ATM: variants seen among roughly 807,000 people sequenced by gnomAD.
ATM encodes the protein serine-protein kinase ATM.
A neutral mutation model predicts 387.0 loss-of-function variants in ATM; 308 were observed. That is an observed-to-expected ratio of 0.80 (90% CI 0.73 to 0.87). The LOEUF (loss-of-function observed/expected upper bound fraction) is 0.87, where lower values mean the gene tolerates loss of function less well. Ranked by LOEUF, ATM falls within the 40% of genes least tolerant of loss-of-function variation. The pLI, the probability that ATM is intolerant of heterozygous loss-of-function variation, is 0.00. For synonymous variants in ATM, 1,156 were observed against 1,187.3 expected (o/e 0.97, Z 0.54); for missense variants, 3,312 against 3,560.9 (o/e 0.93, Z 1.78).
Position 108,301,634 on chromosome 11 carries a change from A to G in ATM, c.5178-14A>G. On this transcript the variant is annotated splice_polypyrimidine_tract_variant and intron_variant, in intron 34 of 62. Transcript: ENST00000675843. ...ACTGGTGTACTTGATAGGCATTTGA[A>G]TTGTTTTTTTCAGTGTCAAAGTTCG... 6.2e-7 allele frequency: 1 copy of G among 1,613,402 alleles called. No homozygotes were observed. The highest frequency in any genetic ancestry group is 1.7e-4 in the Middle Eastern group (1 of 6,052).
chr11:108,245,330 GAC>G (rs905011353), intron 7 of ATM, among the ~76,000 whole-genome samples: 3 of 152,174 alleles, frequency 2.0e-5, no homozygotes, highest in African/African-American at 7.2e-5. Flanking sequence ...TAAGGGGTCT[GAC>G]ACAGACTGTA....
rs755261743 is a variant in ATM, at chr11:108,267,236, A to G, written c.2532A>G (p.Gly844=). 20 of 1,614,010 alleles carry G rather than the reference A, an allele frequency of 1.2e-5. No homozygotes were observed. Among genetic ancestry groups the G allele is most frequent in the Middle Eastern group, 1.6e-4 (1 of 6,084 alleles). Residue 844 remains glycine, a synonymous_variant, in exon 17 of 63, where the codon GGA becomes GGG. Transcript: ENST00000675843. ...AATCAATGGAAGATGATACTAATGG[A>G]AATCTAATGGAGGTGGAGGATCAGT... The part of the protein sequence containing the change: ...EVESMEDDTN[G]NLMEVEDQSS...
intron 22 of ATM, among the ~76,000 whole-genome samples, chr11:108,277,985 CAAT>C (rs1284255868): frequency 6.6e-6 from 1 of 151,864 alleles, no homozygotes; most frequent in Admixed American, 6.6e-5. Context: ...GCACCTAAAA[CAAT>C]ACTTGGCATG....
intron 45 of ATM, 61 bp from the exon 46 acceptor site, chr11:108,325,249 G>GTTTTTTTTTTTTT (rs11366542): frequency 3.5e-6 from 2 of 566,212 alleles, no homozygotes; most frequent in Non-Finnish European, 3.0e-6. Context: ...AACTTACATA[G>GTTTTTTTTTTTTT]TTTTTTTTTT....
chr11:108,317,528 A>T lies in ATM; in HGVS notation c.6347+7A>T. 6.3e-7 allele frequency: 1 copy of T among 1,598,702 alleles called. No individual in the cohort carries two copies. ...ACCATTGCACTTCCGTCAGGTAAGA[A>T]ATTTGACTTGATTTTTTTTTTTTTG... On this transcript the variant is annotated splice_region_variant and intron_variant, in intron 43 of 62. Coordinates refer to ENST00000675843, the MANE Select transcript of ATM (RefSeq NM_000051.4).
At chr11:108,330,064 A>G in intron 49 of ATM, 150 bp from the exon 50 acceptor site, 1 of 785,040 alleles carries the variant, frequency 1.3e-6, no homozygotes, top group South Asian at 1.6e-5. Context: ...GACAAAAGTA[A>G]GTTTATTCCC....
chr11:108,353,981 T>C, intron 60 of ATM, 101 bp downstream of exon 60: 1 of 1,167,656 alleles, frequency 8.6e-7, no homozygotes, highest in Non-Finnish European at 1.3e-6. Context: ...CTCAAGAGGC[T>C]GAAGTGGGAG....
chr11:108,295,095 G>A (rs1416411453), intron 32 of ATM, 36 bp downstream of exon 32: 1 of 1,612,102 alleles, frequency 6.2e-7, no homozygotes, highest in East Asian at 2.2e-5. Context: ...ATTTCTACCT[G>A]TTTCTTTTTG....
In ATM at chr11:108,354,070, A is replaced by ACACACAC. The variant is rs2089570249; in HGVS notation, c.8786+190_8786+191insCACACAC. Among the ~76,000 whole-genome samples the ACACACAC allele has an allele frequency of 4.6e-3, 533 of 114,940 alleles. 5 individuals carry two copies. The highest frequency in any genetic ancestry group is 0.024 in the Middle Eastern group (4 of 168). The allele number at this position is 114,940 out of a possible 152,430, so 75.4% of individuals were successfully genotyped here. A position where few individuals can be genotyped will look rare whatever the true frequency, so the allele number is the denominator to read the frequency against. On this transcript the variant is annotated intron_variant, in intron 60 of 62. Transcript: ENST00000675843. Reference sequence around the variant, plus strand: ...GTATCTAAAAAAATACACACACACAAACACACACACACACACACACACACA... The same window carrying ACACACAC: ...GTATCTAAAAAAATACACACACACAACACACACACACACACACACACACACACACACA...
intron 50 of ATM, chr11:108,331,214 C>T: frequency 8.2e-7 from 1 of 1,219,866 alleles, no homozygotes; most frequent in Non-Finnish European, 1.0e-6. Flanking sequence ...GTTCTGAATC[C>T]AGTTTAATTT....
intron 39 of ATM, among the ~76,000 whole-genome samples, chr11:108,311,104 C>G (rs2084117877): frequency 6.6e-6 from 1 of 151,986 alleles, no homozygotes; most frequent in Admixed American, 6.6e-5. Flanking sequence ...GTAGCTGGGA[C>G]TATAGGCACA....
At chr11:108,263,058 C>G (rs1325050228) in intron 16 of ATM, among the ~76,000 whole-genome samples, 5 of 152,000 alleles carry the variant, frequency 3.3e-5, no homozygotes, top group African/African-American at 1.2e-4. Context: ...ACCCCACTGT[C>G]AACATTAGAC....
chr11:108,322,070 G>T (rs1047536083), intron 45 of ATM, among the ~76,000 whole-genome samples: 2 of 152,066 alleles, frequency 1.3e-5, no homozygotes, highest in African/African-American at 4.8e-5. Flanking sequence ...TCTCTGCCTT[G>T]CTAAACTAGA....
At chr11:108,267,817 C>G (rs1265919515) in intron 17 of ATM, among the ~76,000 whole-genome samples, 2 of 152,216 alleles carry the variant, frequency 1.3e-5, no homozygotes, top group Admixed American at 1.3e-4. Flanking sequence ...GAGATCATGC[C>G]ACTGCATTCC....
intron 43 of ATM, among the ~76,000 whole-genome samples, chr11:108,318,493 C>G (rs1438381008): frequency 1.3e-5 from 2 of 152,036 alleles, no homozygotes; most frequent in African/African-American, 2.4e-5. Flanking sequence ...AGTTTGAGAC[C>G]AGCCGGGCCA....
At chr11:108,337,946 CTGACCTAGAATATCT>C (rs1235288113) in intron 56 of ATM, among the ~76,000 whole-genome samples, 1 of 152,258 alleles carries the variant, frequency 6.6e-6, no homozygotes, top group Non-Finnish European at 1.5e-5. Flanking sequence ...AAGCAAATGC[CTGACCTAGAATATCT>C]TGAAAGCAGA....
chr11:108,272,482 T>C, intron 20 of ATM, 50 bp from the exon 21 acceptor site: 2 of 1,438,344 alleles, frequency 1.4e-6, no homozygotes, highest in Non-Finnish European at 2.0e-6. Flanking sequence ...GTTTTCTGAG[T>C]GCTTTTATCA....
At chr11:108,251,589 TA>T (rs2080150751) in intron 10 of ATM, among the ~76,000 whole-genome samples, 1 of 152,252 alleles carries the variant, frequency 6.6e-6, no homozygotes, top group Admixed American at 6.5e-5. Flanking sequence ...ATGAAGAGTT[TA>T]AATTTCTTTT....
intron 59 of ATM, among the ~76,000 whole-genome samples, chr11:108,349,524 G>A (rs886238074): frequency 2.2e-4 from 34 of 152,124 alleles, no homozygotes; most frequent in Non-Finnish European, 7.4e-5. Flanking sequence ...TTAGCCGGGC[G>A]AGGTGGTGGG....
Sources: allele counts gnomAD v4.1 joint callset (sites outside exome capture counted in the v4.1 genomes callset), GRCh38; gene constraint gnomAD v4.1.1; transcripts MANE v1.5; gene names NCBI Gene and HGNC (gene_info 2026-07-23, HGNC 2026-07-21).